ZNF608: variants seen among roughly 807,000 people sequenced by gnomAD.
ZNF608 encodes the protein renal carcinoma antigen NY-REN-36.
ZNF608 carries 12 observed loss-of-function variants against 109.0 expected under a neutral mutation model. The ratio of observed to expected loss-of-function variants is 0.11; its 90% CI spans 0.07 to 0.18. ZNF608 has a LOEUF of 0.18. Ranked by LOEUF, ZNF608 falls within the 10% of genes least tolerant of loss-of-function variation. The pLI, the probability that ZNF608 is intolerant of heterozygous loss-of-function variation, is 1.00. For missense variants in ZNF608, 1,707 were observed against 1,879.3 expected (o/e 0.91, Z 1.70); for synonymous variants, 732 against 717.4 (o/e 1.02, Z -0.33).
chr5:124,673,143 C>A (rs1751799264), intron 3 of ZNF608, among the ~76,000 whole-genome samples: 1 of 152,194 alleles, frequency 6.6e-6, no homozygotes, highest in Non-Finnish European at 1.5e-5. Context: ...CGCATCCCCA[C>A]CATCAGTATG....
At chr5:124,639,295 A>C in intron 8 of ZNF608, 81 bp from the exon 9 acceptor site, 1 of 1,170,596 alleles carries the variant, frequency 8.5e-7, no homozygotes, top group Non-Finnish European at 1.3e-6. Flanking sequence ...AGGGCCGCAG[A>C]CCTAGTAGCA....
chr5:124,747,324 T>C (rs1749674311), upstream of ZNF608, among the ~76,000 whole-genome samples: 1 of 151,968 alleles, frequency 6.6e-6, no homozygotes, highest in Non-Finnish European at 1.5e-5. Flanking sequence ...GGCTTAGTAT[T>C]TTTAATTAGC....
intron 3 of ZNF608, among the ~76,000 whole-genome samples, chr5:124,663,149 G>A (rs1192026788): frequency 6.6e-6 from 1 of 152,222 alleles, no homozygotes; most frequent in African/African-American, 2.4e-5. Flanking sequence ...GATAGCCTCA[G>A]GGTGAAGAGT....
At chr5:124,746,836 G>A (rs1367840161), upstream of ZNF608, 1 of 955,904 alleles carries the variant, frequency 1.0e-6, no homozygotes, top group African/African-American at 1.8e-5. Flanking sequence ...GAGAAGAAAG[G>A]GTGGGATGAG....
At position 124,637,834 on chromosome 5, in the gene ZNF608, C is replaced by G; in HGVS notation, c.*66G>C. Reference sequence around the variant, plus strand: ...GGCATTTCAAATTAACACCATGGAACTGATGTCTGTATAAAGCGCTTCCCC... The same window carrying G: ...GGCATTTCAAATTAACACCATGGAAGTGATGTCTGTATAAAGCGCTTCCCC... On this transcript the variant is annotated 3_prime_UTR_variant, in exon 10 of 10. Transcript: ENST00000513986. 1.3e-6 allele frequency: 2 copies of G among 1,557,426 alleles called. No individual in the cohort carries two copies. The highest frequency in any genetic ancestry group is 2.3e-5 in the South Asian group (2 of 86,770).
At chr5:124,679,558 C>T (rs1752105970) in intron 3 of ZNF608, among the ~76,000 whole-genome samples, 1 of 152,098 alleles carries the variant, frequency 6.6e-6, no homozygotes, top group African/African-American at 2.4e-5. Context: ...AAATCCCTGC[C>T]TCAGAGTAAG....
intron 2 of ZNF608, among the ~76,000 whole-genome samples, chr5:124,722,096 C>T (rs1580695463): frequency 6.6e-6 from 1 of 151,852 alleles, no homozygotes; most frequent in African/African-American, 2.4e-5. Context: ...AACAATCTAC[C>T]TAAAGGCCAC....
intron 3 of ZNF608, among the ~76,000 whole-genome samples, chr5:124,663,253 G>C (rs1036590969): frequency 3.9e-5 from 6 of 152,166 alleles, no homozygotes; most frequent in African/African-American, 1.4e-4. Context: ...TTCTTTGAAA[G>C]AGAAAACAGG....
intron 3 of ZNF608, among the ~76,000 whole-genome samples, chr5:124,671,520 C>T (rs955700594): frequency 6.6e-6 from 1 of 152,218 alleles, no homozygotes; most frequent in East Asian, 1.9e-4. Context: ...TCTACCCACA[C>T]AATACCTCAA....
intron 3 of ZNF608, among the ~76,000 whole-genome samples, chr5:124,674,877 T>C (rs1751874313): frequency 1.3e-5 from 2 of 152,078 alleles, no homozygotes; most frequent in Admixed American, 6.6e-5. Flanking sequence ...CCTCCCCAAA[T>C]GCTAGGATTA....
chr5:124,637,677 A>G lies in ZNF608; in HGVS notation c.*223T>C, dbSNP rs533460919. ...AGAATATATTTATATTTATATATAT[A>G]TATATGTATATATACAGATATGTAT... On this transcript the variant is annotated 3_prime_UTR_variant, in exon 10 of 10. Transcript: ENST00000513986. 5.3e-4 allele frequency: 98 copies of G among 186,474 alleles called. No individual in the cohort carries two copies. Among genetic ancestry groups the G allele is most frequent in the African/African-American group, 2.0e-3 (82 of 41,824 alleles). The allele number at this position is 186,474 out of a possible 1,614,324, so 11.6% of individuals were successfully genotyped here. A position where few individuals can be genotyped will look rare whatever the true frequency, so the allele number is the denominator to read the frequency against.
intron 3 of ZNF608, among the ~76,000 whole-genome samples, chr5:124,694,214 C>T (rs1423501332): frequency 1.5e-5 from 2 of 134,736 alleles, no homozygotes; most frequent in East Asian, 2.2e-4. Flanking sequence ...CAGATGGTCT[C>T]GATCTCCTGA....
At chr5:124,675,755 C>T (rs1023148123) in intron 3 of ZNF608, among the ~76,000 whole-genome samples, 2 of 152,126 alleles carry the variant, frequency 1.3e-5, no homozygotes, top group East Asian at 1.9e-4. Flanking sequence ...ATGCTCTGCC[C>T]CCTCACGGCG....
chr5:124,702,518 G>A (rs1447112065), intron 2 of ZNF608, among the ~76,000 whole-genome samples: 2 of 147,900 alleles, frequency 1.4e-5, no homozygotes, highest in African/African-American at 2.5e-5. Flanking sequence ...TTTTTGAAAA[G>A]AAACAAAACA....
At chr5:124,712,036 A>G (rs1182842597) in intron 2 of ZNF608, among the ~76,000 whole-genome samples, 3 of 152,096 alleles carry the variant, frequency 2.0e-5, no homozygotes, top group African/African-American at 7.2e-5. Flanking sequence ...AATCCCAGGT[A>G]CTCGGGAGGC....
At chr5:124,715,163 T>A (rs982304649) in intron 2 of ZNF608, among the ~76,000 whole-genome samples, 10 of 152,112 alleles carry the variant, frequency 6.6e-5, no homozygotes, top group Non-Finnish European at 1.2e-4. Flanking sequence ...TGAAACAACC[T>A]CTATGAAAAT....
intron 3 of ZNF608, among the ~76,000 whole-genome samples, chr5:124,675,436 T>G (rs1365615829): frequency 6.6e-6 from 1 of 152,174 alleles, no homozygotes; most frequent in Non-Finnish European, 1.5e-5. Context: ...AAAAAACACT[T>G]TCAATCCACA....
chr5:124,719,781 GGAGA>G (rs1029191660), intron 2 of ZNF608, among the ~76,000 whole-genome samples: 3 of 152,128 alleles, frequency 2.0e-5, no homozygotes, highest in Non-Finnish European at 2.9e-5. Flanking sequence ...TCCTTTTCCT[GGAGA>G]GAGAGTCCAT....
rs142166126 is a variant in ZNF608 at position 124,647,778 on chromosome 5, G to A, written c.2606C>T (p.Ser869Leu). The A allele has an allele frequency of 1.2e-4, 199 of 1,614,104 alleles. No homozygotes were observed. Among genetic ancestry groups the A allele is most frequent in the Middle Eastern group, 4.9e-4 (3 of 6,062 alleles). Residue 869 changes from serine to leucine, a missense_variant, in exon 5 of 10, where the codon TCG (serine) becomes TTG (leucine). Around this residue, in one of 7 missense-constraint regions of ZNF608, gnomAD observed 1,073 missense variants for 1,133.5 expected, o/e 0.95. Coordinates refer to ENST00000513986, the MANE Select transcript of ZNF608 (RefSeq NM_020747.3). ...NKNEGLANGL[S>L]ESQESRMASI... ...GGCCATGCGGCTCTCCTGAGACTCC[G>A]ACAGTCCATTTGCCAGCCCTTCATT...
Sources: allele counts gnomAD v4.1 joint callset (sites outside exome capture counted in the v4.1 genomes callset), GRCh38; gene constraint gnomAD v4.1.1; regional missense constraint gnomAD v4.1.1; transcripts MANE v1.5; gene names NCBI Gene and HGNC (gene_info 2026-07-23, HGNC 2026-07-21).